Variants in FAM117B observed in about 807,000 individuals in gnomAD.
FAM117B encodes the protein protein FAM117B.
FAM117B carries 22 observed loss-of-function variants against 52.8 expected under a neutral mutation model. The ratio of observed to expected loss-of-function variants is 0.42; its 90% confidence interval spans 0.30 to 0.59. The LOEUF (loss-of-function observed/expected upper bound fraction) is 0.59. Ranked by LOEUF, FAM117B falls within the 20% of genes least tolerant of loss-of-function variation. FAM117B has a pLI of 0.22. For missense variants in FAM117B, 678 were observed against 802.6 expected (o/e 0.84, Z 1.88); for synonymous variants, 309 against 324.1 (o/e 0.95, Z 0.50).
chr2:202,732,046 C>CTTTTTTTTT (rs758181285), intron 4 of FAM117B, among the ~76,000 whole-genome samples: 7 of 135,004 alleles, frequency 5.2e-5, no homozygotes, highest in African/African-American at 5.4e-5. Context: ...ATTTATTTTT[C>CTTTTTTTTT]TTTTTTTTTT....
chr2:202,741,694 G>A (rs987950997), intron 4 of FAM117B, among the ~76,000 whole-genome samples: 2 of 151,718 alleles, frequency 1.3e-5, no homozygotes, highest in Admixed American at 6.6e-5. Flanking sequence ...CCGCCACCTC[G>A]CCTGACTGAT....
intron 7 of FAM117B, among the ~76,000 whole-genome samples, chr2:202,760,295 C>G (rs1333969783): frequency 6.6e-6 from 1 of 152,150 alleles, no homozygotes; most frequent in African/African-American, 2.4e-5. Flanking sequence ...ATAGGTTTGG[C>G]TGCTGCTCCT....
At chr2:202,754,766 T>A (rs1456633663) in intron 4 of FAM117B, among the ~76,000 whole-genome samples, 1 of 150,742 alleles carries the variant, frequency 6.6e-6, no homozygotes, top group East Asian at 2.0e-4. Flanking sequence ...GGCGGGTGCC[T>A]GTAGTCCCAG....
chr2:202,738,302 A>G (rs1281025700), intron 4 of FAM117B, among the ~76,000 whole-genome samples: 1 of 152,224 alleles, frequency 6.6e-6, no homozygotes, highest in African/African-American at 2.4e-5. Context: ...TTTTGGTGTC[A>G]TATCTAAGGT....
intron 4 of FAM117B, among the ~76,000 whole-genome samples, chr2:202,731,759 G>C (rs1416858752): frequency 6.7e-6 from 1 of 149,852 alleles, no homozygotes; most frequent in Non-Finnish European, 1.5e-5. Flanking sequence ...GTTTGCGACG[G>C]AGTTTCACTC....
intron 1 of FAM117B, among the ~76,000 whole-genome samples, chr2:202,668,040 G>C (rs1361065322): frequency 6.8e-6 from 1 of 146,576 alleles, no homozygotes; most frequent in African/African-American, 2.5e-5. Flanking sequence ...ACACAGTAAG[G>C]CTCCATCTTT....
chr2:202,648,617 A>G (rs1158988546), intron 1 of FAM117B, among the ~76,000 whole-genome samples: 3 of 150,052 alleles, frequency 2.0e-5, no homozygotes, highest in African/African-American at 7.4e-5. Context: ...TGGACCATGC[A>G]TTATTTCATC....
chr2:202,651,935 C>A (rs1276019719), intron 1 of FAM117B, among the ~76,000 whole-genome samples: 1 of 151,566 alleles, frequency 6.6e-6, no homozygotes, highest in Non-Finnish European at 1.5e-5. Context: ...TGCCTGTAAT[C>A]CCAGCTGCTT....
intron 3 of FAM117B, among the ~76,000 whole-genome samples, chr2:202,725,538 C>CT (rs989009038): frequency 6.6e-6 from 1 of 152,130 alleles, no homozygotes; most frequent in African/African-American, 2.4e-5. Context: ...AGGCTGGTCT[C>CT]TAACTCCTGA....
chr2:202,712,191 T>C (rs188540234), intron 2 of FAM117B, among the ~76,000 whole-genome samples: 25 of 152,190 alleles, frequency 1.6e-4, no homozygotes, highest in Non-Finnish European at 3.5e-4. Context: ...GATTTCTTTC[T>C]TTTTTTGTGT....
Position 202,635,600 on chromosome 2 carries a change from C to G in FAM117B, c.413C>G (p.Pro138Arg), listed in dbSNP as rs763979958. Residue 138 changes from proline (P) to arginine (R), a missense_variant, in exon 1 of 8, where the codon CCA becomes CGA. Pro to Arg is a moderately radical substitution (Grantham distance 103, BLOSUM62 -2). Around this residue, in one of 3 missense-constraint regions of FAM117B, gnomAD observed 583 missense variants for 644.8 expected, o/e 0.90. Coordinates refer to ENST00000392238, the MANE Select transcript of FAM117B (RefSeq NM_173511.4). ...GCGCCTGGAGCTCGCGGGAGCCCCC[C>G]ACGGCCGCCGCCGCCGCCGCCGCTG... is the stretch of plus-strand genomic sequence containing the variant. ...SAAPGARGSP[P>R]RPPPPPPLLG... is the part of the protein sequence containing the mutation. The G allele has an allele frequency of 1.6e-6, 2 of 1,281,612 alleles. No homozygotes were observed. Among genetic ancestry groups the G allele is most frequent in the East Asian group, 6.5e-5 (2 of 30,702 alleles). The allele number at this position is 1,281,612 out of a possible 1,614,324, so 79.4% of individuals were successfully genotyped here.
intron 2 of FAM117B, among the ~76,000 whole-genome samples, chr2:202,703,823 G>A (rs72928945): frequency 3.3e-5 from 5 of 152,228 alleles, no homozygotes; most frequent in African/African-American, 4.8e-5. Flanking sequence ...AGTTCCTTTC[G>A]ATATATACCT....
At chr2:202,697,590 G>A (rs10184176) in intron 2 of FAM117B, among the ~76,000 whole-genome samples, 12,101 of 142,752 alleles carry the variant, frequency 0.085, 1,650 homozygotes, top group African/African-American at 0.29. Flanking sequence ...TCGCTGTGTC[G>A]CCCAGGCTGG....
intron 1 of FAM117B, among the ~76,000 whole-genome samples, chr2:202,690,669 A>C (rs911661855): frequency 1.3e-4 from 20 of 152,200 alleles, no homozygotes; most frequent in Admixed American, 1.2e-3. Context: ...GGCACAGTAC[A>C]TACTGGGAAC....
In FAM117B at chr2:202,759,354, G is replaced by GT; in HGVS notation, c.1451+2dup. On this transcript the variant is annotated splice_donor_variant, in intron 7 of 7. Coordinates refer to ENST00000392238, the MANE Select transcript of FAM117B (RefSeq NM_173511.4). LOFTEE classifies it high-confidence loss of function. The stretch of plus-strand genomic sequence containing the variant: ...GGGTCAAAGTCTTTGAGGAATGCTC[G>GT]TAAGTATCCCTTCCACCATCCCCAC... 1 of 1,607,390 alleles carries GT rather than the reference G, an allele frequency of 6.2e-7. No individual in the cohort carries two copies. The highest frequency in any genetic ancestry group is 8.5e-7 in the Non-Finnish European group (1 of 1,178,078).
At chr2:202,730,898 G>A (rs1480991103) in intron 4 of FAM117B, among the ~76,000 whole-genome samples, 2 of 152,100 alleles carry the variant, frequency 1.3e-5, no homozygotes, top group Admixed American at 1.3e-4. Flanking sequence ...TAGATAAATT[G>A]TACTTTATCA....
At chr2:202,678,293 T>C (rs1559100331) in intron 1 of FAM117B, among the ~76,000 whole-genome samples, 1 of 152,098 alleles carries the variant, frequency 6.6e-6, no homozygotes, top group Non-Finnish European at 1.5e-5. Context: ...GAGGAAACCC[T>C]GTGTGCGGTA....
intron 1 of FAM117B, among the ~76,000 whole-genome samples, chr2:202,639,928 T>C (rs371598313): frequency 4.6e-5 from 7 of 152,046 alleles, no homozygotes; most frequent in Admixed American, 1.3e-4. Flanking sequence ...TCTCAAAGTG[T>C]AGTCTGTGGT....
At chr2:202,650,845 G>T (rs942504988) in intron 1 of FAM117B, among the ~76,000 whole-genome samples, 3 of 152,114 alleles carry the variant, frequency 2.0e-5, no homozygotes, top group Non-Finnish European at 4.4e-5. Flanking sequence ...CTTTATTCTA[G>T]CCGCACTGGC....
Sources: allele counts gnomAD v4.1 joint callset (sites outside exome capture counted in the v4.1 genomes callset), GRCh38; gene constraint gnomAD v4.1.1; regional missense constraint gnomAD v4.1.1; transcripts MANE v1.5; gene names NCBI Gene and HGNC (gene_info 2026-07-23, HGNC 2026-07-21).